Variants in SLC39A14 observed in about 807,000 individuals in gnomAD.
SLC39A14 encodes solute carrier family 39 member 14.
In SLC39A14, 19 loss-of-function variants were observed where a neutral mutation model predicts 45.5. That is an observed-to-expected ratio of 0.42 (90% CI 0.29 to 0.61). The LOEUF is 0.61. Among genes scored for constraint, SLC39A14 ranks in the 20% least tolerant of loss-of-function variants. The pLI is 0.22. For synonymous variants in SLC39A14, 264 were observed against 251.3 expected (o/e 1.05, Z -0.48); for missense variants, 447 against 616.5 (o/e 0.73, Z 2.91).
At chr8:22,418,987 C>G (rs1364563014) in intron 8 of SLC39A14, among the ~76,000 whole-genome samples, 1 of 151,682 alleles carries the variant, frequency 6.6e-6, no homozygotes, top group African/African-American at 2.4e-5. Context: ...TATGTTCGCA[C>G]CACTGCACTC....
At chr8:22,423,625 G>A (rs951298991), downstream of SLC39A14, among the ~76,000 whole-genome samples, 19 of 151,736 alleles carry the variant, frequency 1.3e-4, no homozygotes, top group Non-Finnish European at 2.2e-4. Context: ...GTGAGCCACT[G>A]GCCATGATTT....
rs1834185601 is a variant in SLC39A14 at position 22,393,303 on chromosome 8, C to T, written c.-15-11393C>T. The T allele has an allele frequency of 1.2e-5, 11 of 914,892 alleles. No individual in the cohort carries two copies. The South Asian group carries it at 3.0e-4, about 25-fold the overall frequency. The allele number at this position is 914,892 out of a possible 1,614,324, so 56.7% of individuals were successfully genotyped here. On this transcript the variant is annotated intron_variant, in intron 1 of 8. Coordinates refer to ENST00000381237, the MANE Select transcript of SLC39A14 (RefSeq NM_001128431.4). ...AGAATGGGCCGATTAAGCCCCGGGGCAGGGCCAAGCGAGGGTTGGTTTTCC... is the reference window on the plus strand; with the variant it reads ...AGAATGGGCCGATTAAGCCCCGGGGTAGGGCCAAGCGAGGGTTGGTTTTCC...
chr8:22,418,506 T>G (rs1238896927), intron 8 of SLC39A14, among the ~76,000 whole-genome samples: 2 of 152,114 alleles, frequency 1.3e-5, no homozygotes, highest in East Asian at 3.9e-4. Flanking sequence ...TTTGTTTCTT[T>G]TTTTATCTCA....
At chr8:22,374,613 T>G (rs565270717) in intron 1 of SLC39A14, among the ~76,000 whole-genome samples, 3 of 152,090 alleles carry the variant, frequency 2.0e-5, no homozygotes, top group African/African-American at 7.2e-5. Context: ...GAAATGTACG[T>G]TGGGTCTAGG....
intron 1 of SLC39A14, among the ~76,000 whole-genome samples, chr8:22,394,010 GTTT>G (rs35225179): frequency 1.4e-5 from 2 of 138,142 alleles, no homozygotes; most frequent in African/African-American, 2.7e-5. Flanking sequence ...CTGAAGGGGT[GTTT>G]TTTTTTTTTT....
chr8:22,429,481 G>T (rs11136046), intron 8 of SLC39A14, among the ~76,000 whole-genome samples: 47,381 of 152,106 alleles, frequency 0.31, 7,638 homozygotes, highest in East Asian at 0.5. Context: ...AAATGTTTTA[G>T]AAATTAAAGC....
intron 3 of SLC39A14, 149 bp downstream of exon 3, chr8:22,408,645 T>C: frequency 1.4e-6 from 1 of 723,536 alleles, no homozygotes; most frequent in African/African-American, 1.8e-5. Context: ...GGAGCGATGA[T>C]TGGATGGATA....
intron 4 of SLC39A14, among the ~76,000 whole-genome samples, chr8:22,414,145 C>T (rs1196240265): frequency 3.3e-5 from 5 of 152,142 alleles, no homozygotes; most frequent in African/African-American, 1.2e-4. Context: ...ATTTCTACTC[C>T]TGTCCTCTTC....
chr8:22,408,383 A>G lies in SLC39A14; in HGVS notation c.344A>G (p.Gln115Arg), dbSNP rs756942789. The G allele has an allele frequency of 1.9e-6, 3 of 1,614,222 alleles. No homozygotes were observed. The highest frequency in any genetic ancestry group is 2.2e-5 in the South Asian group (2 of 91,088). The change falls in exon 3 of 9, where the codon CAG becomes CGG. Residue 115 changes from glutamine to arginine, a missense_variant. Gln to Arg is a conservative substitution (Grantham distance 43). Coordinates refer to ENST00000381237, the MANE Select transcript of SLC39A14 (RefSeq NM_001128431.4). ...TCGCGGATTGGGAGCAGCGAGCTCC[A>G]GGAGTTCTGCCCCACCATCCTCCAG... ...EQSRIGSSEL[Q>R]EFCPTILQQL... is the part of the protein sequence containing the mutation.
Position 22,399,594 on chromosome 8 carries a change from C to T in SLC39A14, c.-15-5102C>T, listed in dbSNP as rs985216567. On this transcript the variant is annotated intron_variant, in intron 1 of 8. Coordinates refer to ENST00000381237, the MANE Select transcript of SLC39A14 (RefSeq NM_001128431.4). ...GGGCGTCAGTGCCCAGTGCAGCACA[C>T]GTCCTGGAGGAAAGAGCAGCTGTGC... is the stretch of plus-strand genomic sequence containing the variant. 5.9e-5 allele frequency among the ~76,000 whole-genome samples: 9 copies of T among 152,226 alleles called. No individual in the cohort carries two copies. The East Asian group carries it at 1.7e-3, about 29-fold the overall frequency.
Position 22,422,038 on chromosome 8 carries a change from G to A in SLC39A14, c.*2340G>A, listed in dbSNP as rs1474039141. 3.0e-6 allele frequency: 3 copies of A among 985,336 alleles called. No individual in the cohort carries two copies. In the African/African-American group the frequency reaches 5.2e-5, roughly 17 times the overall value. The allele number at this position is 985,336 out of a possible 1,614,324, so 61.0% of individuals were successfully genotyped here. The stretch of plus-strand genomic sequence containing the variant: ...TGAGTCGCCACTGATTGTGGCAACA[G>A]CTTTGCCTCATGAGTCAAAAATTGG... On this transcript the variant is annotated 3_prime_UTR_variant, in exon 9 of 9. Transcript: ENST00000381237.
intron 8 of SLC39A14, among the ~76,000 whole-genome samples, chr8:22,432,404 CTCTT>C (rs1836480018): frequency 6.6e-6 from 1 of 151,892 alleles, no homozygotes; most frequent in African/African-American, 2.4e-5. Context: ...CACTCTGTCT[CTCTT>C]TCTCTCTGCT....
At chr8:22,410,080 C>T (rs1259280454) in intron 3 of SLC39A14, 2 of 1,614,078 alleles carry the variant, frequency 1.2e-6, no homozygotes, top group Non-Finnish European at 1.7e-6. Flanking sequence ...CATTGGAACG[C>T]TGCTGTCTAA....
intron 1 of SLC39A14, among the ~76,000 whole-genome samples, chr8:22,397,434 T>G (rs146099921): frequency 0.13 from 19,413 of 152,066 alleles, 1,278 homozygotes; most frequent in East Asian, 0.19. Context: ...AAAAATTAGC[T>G]GGGCGTGGTG....
intron 1 of SLC39A14, among the ~76,000 whole-genome samples, chr8:22,374,595 G>A (rs1329763301): frequency 7.1e-6 from 1 of 140,768 alleles, no homozygotes; most frequent in Non-Finnish European, 1.6e-5. Context: ...CAGCAAGTGA[G>A]GTAGCTGGAA....
At chr8:22,394,533 A>G (rs1438908657) in intron 1 of SLC39A14, among the ~76,000 whole-genome samples, 2 of 151,180 alleles carry the variant, frequency 1.3e-5, no homozygotes, top group Non-Finnish European at 2.9e-5. Flanking sequence ...GTTAGCCAGG[A>G]TGGTCTTGAT....
intron 4 of SLC39A14, among the ~76,000 whole-genome samples, chr8:22,413,675 C>T (rs780992806): frequency 5.3e-5 from 8 of 152,070 alleles, no homozygotes; most frequent in South Asian, 2.1e-4. Context: ...ATTCAAGGCC[C>T]GTTTCCCATC....
At chr8:22,406,639 C>T (rs904954784) in intron 2 of SLC39A14, among the ~76,000 whole-genome samples, 2 of 152,124 alleles carry the variant, frequency 1.3e-5, no homozygotes, top group African/African-American at 2.4e-5. Flanking sequence ...TCGCAGTGAG[C>T]GGAGATTATG....
intron 1 of SLC39A14, among the ~76,000 whole-genome samples, chr8:22,371,808 G>A (rs1406413396): frequency 6.7e-6 from 1 of 148,876 alleles, no homozygotes; most frequent in African/African-American, 2.5e-5. Context: ...GCAGTGGCAC[G>A]ATCTCGGCTC....
Sources: allele counts gnomAD v4.1 joint callset (sites outside exome capture counted in the v4.1 genomes callset), GRCh38; gene constraint gnomAD v4.1.1; transcripts MANE v1.5; gene names NCBI Gene and HGNC (gene_info 2026-07-23, HGNC 2026-07-21).